The following ZKSCAN7 variants were observed in gnomAD, a reference collection of about 807,000 sequenced individuals.
ZKSCAN7 encodes zinc finger protein with KRAB and SCAN domains 7.
Under a neutral mutation model 65.3 loss-of-function variants are expected in ZKSCAN7, and 38 were observed. That is an observed-to-expected ratio of 0.58 (90% confidence interval 0.45 to 0.76). The LOEUF (loss-of-function observed/expected upper bound fraction) is 0.76. Among genes scored for constraint, ZKSCAN7 ranks in the 30% least tolerant of loss-of-function variants. ZKSCAN7 has a pLI of 0.00. For synonymous variants in ZKSCAN7, 321 were observed against 321.0 expected, an observed-to-expected ratio of 1.00 and a Z score of 0.00; for missense variants, 815 against 913.3, an observed-to-expected ratio of 0.89 and a Z score of 1.39.
At chr3:44,556,031 G>A in intron 1 of ZKSCAN7, among the ~76,000 whole-genome samples, 1 of 152,206 alleles carries the variant, frequency 6.6e-6, no homozygotes. Flanking sequence ...AGTGTGAGAT[G>A]TGCTCTACTA....
downstream of ZKSCAN7, among the ~76,000 whole-genome samples, chr3:44,573,187 T>C (rs1699855103): frequency 6.6e-6 from 1 of 152,250 alleles, no homozygotes; most frequent in Non-Finnish European, 1.5e-5. Flanking sequence ...TGTCAGTCCA[T>C]GAGCTTGAAC....
chr3:44,570,023 G>C lies in ZKSCAN7; in HGVS notation c.913G>C (p.Val305Leu). The change falls in exon 6 of 6, where the codon GTT becomes CTT. Residue 305 changes from valine (V) to leucine (L), a missense_variant. Transcript: ENST00000426540. ...NRTSGGLFGV[V>L]PGAAETGDVC... ...GACATCAGGGGGACTCTTTGGGGTGGTTCCTGGGGCAGCAGAGACTGGAGA... is the reference window on the plus strand; with the variant it reads ...GACATCAGGGGGACTCTTTGGGGTGCTTCCTGGGGCAGCAGAGACTGGAGA... 6.2e-7 allele frequency: 1 copy of C among 1,613,528 alleles called. No homozygotes were observed. Among genetic ancestry groups the C allele is most frequent in the East Asian group, 2.2e-5 (1 of 44,878 alleles).
At chr3:44,560,396 G>A (rs1250800254) in intron 2 of ZKSCAN7, among the ~76,000 whole-genome samples, 1 of 152,152 alleles carries the variant, frequency 6.6e-6, no homozygotes, top group Non-Finnish European at 1.5e-5. Context: ...CTTTATTGCT[G>A]CAGAAGGAGC....
intron 2 of ZKSCAN7, among the ~76,000 whole-genome samples, chr3:44,559,445 C>T (rs1297047272): frequency 1.3e-5 from 2 of 151,890 alleles, no homozygotes; most frequent in African/African-American, 4.8e-5. Context: ...TGCTTTTTTT[C>T]CTAGAGAGTC....
At chr3:44,565,921 G>T (rs898487792) in intron 3 of ZKSCAN7, among the ~76,000 whole-genome samples, 4 of 152,244 alleles carry the variant, frequency 2.6e-5, no homozygotes, top group African/African-American at 9.6e-5. Flanking sequence ...ATTTCAAAGA[G>T]CTTGTTATCT....
Position 44,570,970 on chromosome 3 carries a change from AT to A in ZKSCAN7, c.1861del (p.Cys621ValfsTer147). On this transcript the variant is annotated frameshift_variant, in exon 6 of 6. Coordinates refer to ENST00000426540, the MANE Select transcript of ZKSCAN7 (RefSeq NM_001288590.2). LOFTEE classifies it high-confidence loss of function. ...ECGKAFGLSKCLIRHQRLHTG... is the reference protein window; with the variant it reads ...ECGKAFGLSKXLIRHQRLHTG... ...GTGGTAAGGCATTTGGTCTGAGTAAATGTCTTATTCGGCACCAGAGACTTCA... is the reference window on the plus strand; with the variant it reads ...GTGGTAAGGCATTTGGTCTGAGTAAAGTCTTATTCGGCACCAGAGACTTCA... The A allele has an allele frequency of 6.2e-7, 1 of 1,614,174 alleles. No homozygotes were observed. Among genetic ancestry groups the A allele is most frequent in the African/African-American group, 1.3e-5 (1 of 75,044 alleles).
intron 5 of ZKSCAN7, among the ~76,000 whole-genome samples, chr3:44,578,475 C>T (rs955909701): frequency 1.3e-5 from 2 of 152,262 alleles, no homozygotes; most frequent in African/African-American, 2.4e-5. Flanking sequence ...TCCTGGTTCT[C>T]ACGCTGGCAC....
intron 1 of ZKSCAN7, among the ~76,000 whole-genome samples, chr3:44,556,429 C>G (rs369228826): frequency 1.3e-5 from 2 of 152,158 alleles, no homozygotes; most frequent in East Asian, 3.9e-4. Context: ...AGCTTTAGCT[C>G]CAAACTTTCT....
downstream of ZKSCAN7, among the ~76,000 whole-genome samples, chr3:44,572,380 GTGTGTGTGTA>G (rs774726503): frequency 7.1e-5 from 10 of 141,816 alleles, no homozygotes; most frequent in African/African-American, 2.6e-4. Context: ...GTGTGTGTGT[GTGTGTGTGTA>G]TGTATGCAAA....
chr3:44,570,322 C>T lies in ZKSCAN7; in HGVS notation c.1212C>T (p.Ile404=), dbSNP rs1190515354. 4 of 1,614,036 alleles carry T rather than the reference C, an allele frequency of 2.5e-6. No homozygotes were observed. Among genetic ancestry groups the T allele is most frequent in the Non-Finnish European group, 3.4e-6 (4 of 1,180,032 alleles). Reference sequence around the variant, plus strand: ...CTCACCTTATTGGCCATCAGAGAATCCACACTGGAGAGAAACCCTATGAGT... The same window carrying T: ...CTCACCTTATTGGCCATCAGAGAATTCACACTGGAGAGAAACCCTATGAGT... ...RSSHLIGHQR[I]HTGEKPYECN... Residue 404 remains isoleucine, a synonymous_variant, in exon 6 of 6, where the codon ATC becomes ATT. Coordinates refer to ENST00000426540, the MANE Select transcript of ZKSCAN7 (RefSeq NM_001288590.2).
intron 5 of ZKSCAN7, among the ~76,000 whole-genome samples, chr3:44,577,882 C>T (rs1321347142): frequency 6.6e-6 from 1 of 152,156 alleles, no homozygotes; most frequent in South Asian, 2.1e-4. Context: ...CTGCTGCAAG[C>T]TGGGGAAGGT....
At chr3:44,572,848 T>A (rs1366021484), downstream of ZKSCAN7, among the ~76,000 whole-genome samples, 36 of 31,052 alleles carry the variant, frequency 1.2e-3, no homozygotes, top group African/African-American at 4.0e-3. Flanking sequence ...AGACTCTGTC[T>A]CAAAAAAAAA....
intron 5 of ZKSCAN7, among the ~76,000 whole-genome samples, chr3:44,569,439 C>T (rs962822810): frequency 3.3e-4 from 50 of 152,120 alleles, no homozygotes; most frequent in African/African-American, 1.2e-3. Flanking sequence ...TATAAATTTC[C>T]AGTCAATTCA....
At position 44,565,630 on chromosome 3, in the gene ZKSCAN7, ACACCAC is replaced by A. The variant is rs1322990459; in HGVS notation, c.569_574del (p.His190_His191del). 16 of 1,605,860 alleles carry A rather than the reference ACACCAC, an allele frequency of 1.0e-5. No homozygotes were observed. The highest frequency in any genetic ancestry group is 1.4e-5 in the Non-Finnish European group (16 of 1,176,618). On this transcript the variant is annotated inframe_deletion, in exon 3 of 6. Transcript: ENST00000426540. ...TGGAGCCTCCTTATGACCCAGGGAC[ACACCAC>A]CTCCCCAGTGGGGACTTCGGTACTT...
downstream of ZKSCAN7, chr3:44,572,234 T>C: frequency 2.0e-6 from 2 of 985,222 alleles, no homozygotes; most frequent in Middle Eastern, 1.0e-3. Flanking sequence ...CTTCTAAAGA[T>C]GGAAGTCCAT....
intron 5 of ZKSCAN7, among the ~76,000 whole-genome samples, chr3:44,568,648 A>G (rs1461913928): frequency 6.6e-6 from 1 of 152,202 alleles, no homozygotes; most frequent in Non-Finnish European, 1.5e-5. Context: ...TGGTTTAGGT[A>G]GGGCTTCTTA....
intron 5 of ZKSCAN7, among the ~76,000 whole-genome samples, chr3:44,581,668 T>C (rs1559435828): frequency 1.3e-5 from 2 of 152,222 alleles, no homozygotes; most frequent in Non-Finnish European, 2.9e-5. Context: ...TATATATATG[T>C]TTTAGTCAAA....
chr3:44,559,398 A>G (rs957420520), intron 2 of ZKSCAN7, among the ~76,000 whole-genome samples: 1 of 152,134 alleles, frequency 6.6e-6, no homozygotes, highest in African/African-American at 2.4e-5. Flanking sequence ...AACAGTATAG[A>G]GAATTTCCCA....
intron 2 of ZKSCAN7, among the ~76,000 whole-genome samples, chr3:44,560,506 C>CTTTT (rs33986362): frequency 9.2e-6 from 1 of 108,400 alleles, no homozygotes; most frequent in Non-Finnish European, 1.8e-5. Context: ...TTTCCTGTAT[C>CTTTT]TTTTTTTTTT....
Sources: gnomAD v4.1 joint callset for allele counts (sites outside exome capture counted in the v4.1 genomes callset) on GRCh38, gnomAD v4.1.1 for gene constraint, MANE v1.5 for transcripts, NCBI Gene and HGNC (gene_info 2026-07-23, HGNC 2026-07-21) for gene names.